UTP20: variants seen among roughly 807,000 people sequenced by gnomAD.
The protein encoded by UTP20 is UTP20 small subunit processome component.
UTP20 carries 164 observed loss-of-function variants against 329.5 expected under a neutral mutation model. That is an observed-to-expected ratio of 0.50 (90% confidence interval 0.44 to 0.57). The LOEUF is 0.57. UTP20 is among the 20% of genes least tolerant of loss of function. The pLI, the probability that UTP20 is intolerant of heterozygous loss-of-function variation, is 0.00. For missense variants in UTP20, 3,055 were observed against 3,284.2 expected (o/e 0.93, Z 1.71); for synonymous variants, 1,151 against 1,159.3 (o/e 0.99, Z 0.14).
At chr12:101,304,425 G>A (rs1252897282) in intron 15 of UTP20, among the ~76,000 whole-genome samples, 1 of 152,244 alleles carries the variant, frequency 6.6e-6, no homozygotes, top group Non-Finnish European at 1.5e-5. Context: ...TGCATTGATT[G>A]TGTCACAACA....
intron 35 of UTP20, among the ~76,000 whole-genome samples, chr12:101,343,517 AT>A (rs934415332): frequency 4.7e-5 from 7 of 149,942 alleles, no homozygotes; most frequent in African/African-American, 1.2e-4. Context: ...TGAATTGTAA[AT>A]TTTTTTTTTG....
At chr12:101,349,313 T>C (rs2120958756) in intron 38 of UTP20, among the ~76,000 whole-genome samples, 1 of 152,234 alleles carries the variant, frequency 6.6e-6, no homozygotes, top group South Asian at 2.1e-4. Flanking sequence ...GTGAGTACCT[T>C]AGTGTCGTTT....
In UTP20 at chr12:101,299,663, AT is replaced by A. The variant is rs769619134; in HGVS notation, c.1431-11del. ...GATTACATTCTCTGTTATTTTAAAC[AT>A]TTTTTTTAATCCTTCAGATTCTATA... On this transcript the variant is annotated intron_variant, in intron 12 of 61. Transcript: ENST00000261637. 94 of 1,549,318 alleles carry A rather than the reference AT, an allele frequency of 6.1e-5. No homozygotes were observed. Among genetic ancestry groups the A allele is most frequent in the Middle Eastern group, 3.5e-4 (2 of 5,754 alleles).
At position 101,308,301 on chromosome 12, in the gene UTP20, T is replaced by C; in HGVS notation, c.2112T>C (p.His704=). ...TTCTTCATTTGAGAAAACTAAGACA[T>C]GATGTGGTACAGACTGCTGTCCCTG... ...EKLLHLRKLR[H]DVVQTAVPDG... is the part of the protein sequence containing the mutation. The change falls in exon 18 of 62, where the codon CAT becomes CAC. Residue 704 remains histidine (H), a synonymous_variant. Coordinates refer to ENST00000261637, the MANE Select transcript of UTP20 (RefSeq NM_014503.3). 2 of 1,612,726 alleles carry C rather than the reference T, an allele frequency of 1.2e-6. No individual in the cohort carries two copies. The highest frequency in any genetic ancestry group is 2.2e-5 in the East Asian group (1 of 44,810).
chr12:101,360,753 C>T (rs892291391), intron 43 of UTP20, among the ~76,000 whole-genome samples: 1 of 152,010 alleles, frequency 6.6e-6, no homozygotes, highest in African/African-American at 2.4e-5. Context: ...TTCTTGAACC[C>T]GGGAGGCAGA....
chr12:101,321,688 T>A, intron 25 of UTP20, 59 bp downstream of exon 25: 1 of 1,571,834 alleles, frequency 6.4e-7, no homozygotes, highest in Non-Finnish European at 8.7e-7. Flanking sequence ...CAATTGTGAG[T>A]ACAGTATTAT....
chr12:101,353,876 T>G (rs892391418), intron 40 of UTP20, among the ~76,000 whole-genome samples: 2 of 152,192 alleles, frequency 1.3e-5, no homozygotes, highest in Non-Finnish European at 2.9e-5. Context: ...TTGGCTGAGA[T>G]GTACAAATTC....
intron 60 of UTP20, among the ~76,000 whole-genome samples, chr12:101,384,585 T>C (rs1870765441): frequency 1.3e-5 from 2 of 152,228 alleles, no homozygotes; most frequent in Admixed American, 1.3e-4. Flanking sequence ...ATCATTTTTA[T>C]ATGAAATAGT....
chr12:101,313,854 AG>A (rs1178021405), intron 21 of UTP20, among the ~76,000 whole-genome samples: 1 of 152,140 alleles, frequency 6.6e-6, no homozygotes, highest in African/African-American at 2.4e-5. Context: ...CAGGAGTTGC[AG>A]GTCTGTGGGG....
At chr12:101,320,562 AAAAGAG>A (rs1365906500) in intron 23 of UTP20, among the ~76,000 whole-genome samples, 1 of 152,086 alleles carries the variant, frequency 6.6e-6, no homozygotes. Context: ...TTTGAAAAAA[AAAAGAG>A]AAAGAGAGAG....
chr12:101,336,067 C>A (rs1868924941), intron 29 of UTP20, among the ~76,000 whole-genome samples: 1 of 152,176 alleles, frequency 6.6e-6, no homozygotes, highest in African/African-American at 2.4e-5. Context: ...TCATTCTTTT[C>A]TGCAATTTCT....
intron 30 of UTP20, 56 bp from the exon 31 acceptor site, chr12:101,338,757 A>G (rs1869020643): frequency 4.2e-6 from 6 of 1,419,856 alleles, no homozygotes; most frequent in Admixed American, 2.6e-5. Context: ...AAGATTTTGT[A>G]CAATTATGCC....
chr12:101,378,173 T>C (rs773091499), intron 56 of UTP20, among the ~76,000 whole-genome samples: 4 of 152,230 alleles, frequency 2.6e-5, no homozygotes, highest in African/African-American at 7.2e-5. Flanking sequence ...CTGCCTGTTA[T>C]AGCTTAGCAT....
intron 27 of UTP20, among the ~76,000 whole-genome samples, chr12:101,331,085 C>T (rs909286752): frequency 6.6e-6 from 1 of 152,178 alleles, no homozygotes; most frequent in Non-Finnish European, 1.5e-5. Context: ...ATTTAAGCAA[C>T]AGTGTAACTT....
rs570192805 is a variant in UTP20 at position 101,379,253 on chromosome 12, G to T, written c.7397-118G>T. On this transcript the variant is annotated intron_variant, in intron 56 of 61. Transcript: ENST00000261637. ...CACTTCCCAGCCATTGGCTTATTTT[G>T]TTCATCTTTGGTTCCCCACTCCAAA... is the stretch of plus-strand genomic sequence containing the variant. The T allele has an allele frequency of 2.0e-4, 171 of 874,872 alleles. No homozygotes were observed. In the African/African-American group the frequency reaches 2.7e-3, roughly 14 times the overall value. The allele number at this position is 874,872 out of a possible 1,614,324, so 54.2% of individuals were successfully genotyped here.
rs371852792 is a variant in UTP20 at position 101,342,541 on chromosome 12, A to G, written c.4197A>G (p.Ser1399=). 6.2e-7 allele frequency: 1 copy of G among 1,613,654 alleles called. No homozygotes were observed. Among genetic ancestry groups the G allele is most frequent in the Non-Finnish European group, 8.5e-7 (1 of 1,179,798 alleles). Residue 1399 remains serine (S), a synonymous_variant, in exon 33 of 62, where the codon TCA becomes TCG. Coordinates refer to ENST00000261637, the MANE Select transcript of UTP20 (RefSeq NM_014503.3). ...SFLKPIAKLF[S]VIKNKLSRKL... is the part of the protein sequence containing the mutation. ...TCAAGCCTATAGCAAAACTTTTCTC[A>G]GTTATTAAGAACAAATTGTCAAGAA...
chr12:101,317,651 G>A lies in UTP20; in HGVS notation c.2726G>A (p.Arg909Lys). ...TCCTCACAGAAGAAAAAGACGAGGA[G>A]AGCTGCAGCAAAGTAAGTTCACCAT... ...DESSQKKKTRRAAAKQLIAHL... is the reference protein window; with the variant it reads ...DESSQKKKTRKAAAKQLIAHL... The change falls in exon 22 of 62, where the codon AGA becomes AAA. Residue 909 changes from arginine (R) to lysine (K), a missense_variant. Physicochemically the swap from Arg to Lys is conservative, Grantham distance 26 (BLOSUM62 2). Around this residue, in one of 3 missense-constraint regions of UTP20, gnomAD observed 2,445 missense variants for 2,575.5 expected, o/e 0.95. Coordinates refer to ENST00000261637, the MANE Select transcript of UTP20 (RefSeq NM_014503.3). The A allele has an allele frequency of 6.2e-7, 1 of 1,609,886 alleles. No individual in the cohort carries two copies. The highest frequency in any genetic ancestry group is 8.5e-7 in the Non-Finnish European group (1 of 1,178,318).
rs765212475 is a variant in UTP20 at position 101,344,626 on chromosome 12, G to A, written c.4481G>A (p.Ser1494Asn). 1.7e-6 allele frequency: 2 copies of A among 1,163,606 alleles called. No homozygotes were observed. The highest frequency in any genetic ancestry group is 2.6e-6 in the Non-Finnish European group (2 of 768,206). The allele number at this position is 1,163,606 out of a possible 1,614,324, so 72.1% of individuals were successfully genotyped here. A position where few individuals can be genotyped will look rare whatever the true frequency, so the allele number is the denominator to read the frequency against. The change falls in exon 36 of 62, where the codon AGC becomes AAC. Residue 1494 changes from serine to asparagine, a missense_variant. Coordinates refer to ENST00000261637, the MANE Select transcript of UTP20 (RefSeq NM_014503.3). ...LGDMSLSDNASMCLMSIIKKL... is the reference protein window; with the variant it reads ...LGDMSLSDNANMCLMSIIKKL... ...GATATGAGTTTAAGTGATAATGCCA[G>A]CATGTGCCTGATGAGTATCATCAAA...
At chr12:101,382,257 T>C (rs1022343010) in intron 58 of UTP20, among the ~76,000 whole-genome samples, 1 of 150,910 alleles carries the variant, frequency 6.6e-6, no homozygotes, top group Non-Finnish European at 1.5e-5. Context: ...ATACAAAAAT[T>C]AGCTGAGCAC....
Sources: gnomAD v4.1 joint callset for allele counts (sites outside exome capture counted in the v4.1 genomes callset) on GRCh38, gnomAD v4.1.1 for gene constraint, gnomAD v4.1.1 regional missense constraint, MANE v1.5 for transcripts, NCBI Gene and HGNC (gene_info 2026-07-23, HGNC 2026-07-21) for gene names.